SORCS1: variants seen among roughly 807,000 people sequenced by gnomAD.
SORCS1 encodes the protein sortilin related VPS10 domain containing receptor 1, also known as VPS10 domain-containing receptor SorCS1.
Under a neutral mutation model 146.1 loss-of-function variants are expected in SORCS1, and 60 were observed. The observed-to-expected ratio is 0.41, with a 90% CI of 0.33 to 0.51. SORCS1 has a LOEUF of 0.51. Ranked by LOEUF, SORCS1 falls within the 20% of genes least tolerant of loss-of-function variation. The pLI is 0.21. For synonymous variants in SORCS1, 637 were observed against 584.0 expected, an observed-to-expected ratio of 1.09 and a Z score of -1.31; for missense variants, 1,352 against 1,487.6, an observed-to-expected ratio of 0.91 and a Z score of 1.50.
chr10:106,651,063 TC>T (rs1189883728), intron 18 of SORCS1, among the ~76,000 whole-genome samples: 2 of 152,116 alleles, frequency 1.3e-5, no homozygotes, highest in Non-Finnish European at 2.9e-5. Flanking sequence ...TTTTTGGGCA[TC>T]TTAGTATTTA....
chr10:107,071,347 C>T (rs1222871970), intron 1 of SORCS1, among the ~76,000 whole-genome samples: 1 of 152,120 alleles, frequency 6.6e-6, no homozygotes, highest in Non-Finnish European at 1.5e-5. Context: ...GCCAGGGCTC[C>T]ACTGAAAACT....
intron 2 of SORCS1, among the ~76,000 whole-genome samples, chr10:106,830,676 A>T (rs567875180): frequency 6.6e-6 from 1 of 150,974 alleles, no homozygotes; most frequent in East Asian, 2.0e-4. Context: ...CGGGTGAATC[A>T]CTTGAGGTCA....
intron 5 of SORCS1, among the ~76,000 whole-genome samples, chr10:106,751,948 AG>A (rs1858281840): frequency 1.3e-5 from 2 of 152,210 alleles, no homozygotes; most frequent in South Asian, 4.1e-4. Flanking sequence ...GGAAATGAAA[AG>A]AAGACAATAA....
intron 1 of SORCS1, among the ~76,000 whole-genome samples, chr10:107,115,386 G>A (rs571460393): frequency 2.1e-4 from 32 of 152,088 alleles, no homozygotes; most frequent in Admixed American, 1.8e-3. Context: ...AAAACTGTAC[G>A]GTATTGGCAT....
chr10:106,580,069 TA>T (rs1162251943), intron 24 of SORCS1, among the ~76,000 whole-genome samples: 1 of 152,164 alleles, frequency 6.6e-6, no homozygotes, highest in East Asian at 1.9e-4. Context: ...CCGTCACCCC[TA>T]CTCCAGTAGT....
chr10:106,720,731 G>C (rs1855724169), intron 6 of SORCS1, among the ~76,000 whole-genome samples: 1 of 152,066 alleles, frequency 6.6e-6, no homozygotes, highest in Non-Finnish European at 1.5e-5. Flanking sequence ...AGGCCTGTGA[G>C]TGAAAAGTTT....
chr10:107,032,741 A>T (rs558992859), intron 1 of SORCS1, among the ~76,000 whole-genome samples: 81 of 152,316 alleles, frequency 5.3e-4, no homozygotes, highest in African/African-American at 1.9e-3. Context: ...GTTATTGCTG[A>T]AACTGTTCAC....
intron 5 of SORCS1, among the ~76,000 whole-genome samples, chr10:106,751,334 C>G (rs1858220758): frequency 6.6e-6 from 1 of 151,962 alleles, no homozygotes; most frequent in Non-Finnish European, 1.5e-5. Flanking sequence ...GGCAGGGGCT[C>G]AGAATTAGAA....
In SORCS1 at chr10:106,870,918, C is replaced by A. The variant is rs567163625; in HGVS notation, c.627-41245G>T. On this transcript the variant is annotated intron_variant, in intron 2 of 25. Transcript: ENST00000263054. ...AACTATCAACAGAATAAACAGATAA[C>A]CTACAGAATGGGAGAAAATATTTGC... is the stretch of plus-strand genomic sequence containing the variant. Among the ~76,000 whole-genome samples, 254 of 152,214 alleles carry A rather than the reference C, an allele frequency of 1.7e-3. 2 individuals are homozygous for A. The highest frequency in any genetic ancestry group is 5.7e-3 in the African/African-American group (238 of 41,536).
intron 3 of SORCS1, among the ~76,000 whole-genome samples, chr10:106,814,914 CAAAAAAAA>C (rs779366731): frequency 1.5e-5 from 1 of 66,062 alleles, no homozygotes; most frequent in African/African-American, 6.4e-5. Flanking sequence ...GACTCCATCT[CAAAAAAAA>C]AAAAAAAAAA....
intron 3 of SORCS1, among the ~76,000 whole-genome samples, chr10:106,806,378 TAAAATA>T (rs1465964475): frequency 7.3e-4 from 93 of 127,062 alleles, no homozygotes; most frequent in African/African-American, 2.8e-3. Context: ...AAAAATAAAA[TAAAATA>T]AAAATAAAAT....
chr10:106,631,796 G>A (rs1406273910), intron 18 of SORCS1, among the ~76,000 whole-genome samples: 1 of 152,162 alleles, frequency 6.6e-6, no homozygotes, highest in Non-Finnish European at 1.5e-5. Flanking sequence ...AGTCTACCTT[G>A]CCTTGCCCTT....
At chr10:106,619,149 T>A (rs1017477998) in intron 20 of SORCS1, among the ~76,000 whole-genome samples, 3 of 151,992 alleles carry the variant, frequency 2.0e-5, no homozygotes, top group African/African-American at 7.2e-5. Context: ...ATAAAAAAAA[T>A]AAAAAACAAT....
intron 1 of SORCS1, among the ~76,000 whole-genome samples, chr10:107,137,770 G>A (rs773414304): frequency 6.6e-6 from 1 of 151,498 alleles, no homozygotes; most frequent in Non-Finnish European, 1.5e-5. Context: ...GCTGAGGCAG[G>A]AGAATCGCTT....
At chr10:106,992,822 C>CTTTTTTTTTTT (rs1394505945) in intron 1 of SORCS1, among the ~76,000 whole-genome samples, 1 of 98,794 alleles carries the variant, frequency 1.0e-5, no homozygotes, top group Admixed American at 9.8e-5. Flanking sequence ...TCCTTTCTTT[C>CTTTTTTTTTTT]TTTCTTTTTT....
At chr10:106,622,518 C>T (rs541707130) in intron 19 of SORCS1, among the ~76,000 whole-genome samples, 3 of 152,138 alleles carry the variant, frequency 2.0e-5, no homozygotes, top group East Asian at 3.9e-4. Context: ...TTCCCATGTC[C>T]GTCTTTGTGC....
chr10:106,897,978 G>T (rs1007370218), intron 2 of SORCS1, among the ~76,000 whole-genome samples: 1 of 152,208 alleles, frequency 6.6e-6, no homozygotes, highest in Non-Finnish European at 1.5e-5. Flanking sequence ...GACCCATGGC[G>T]ATTCTGTAAA....
rs1491495992 is a variant in SORCS1, at chr10:106,779,545, A to ATTTTTT, written c.727-2854_727-2853insAAAAAA. ...TCTTTTAAGTTTGACATTATGGCCC[A>ATTTTTT]TATTTTTTTTTTTTTTTTTTTTGAG... is the stretch of plus-strand genomic sequence containing the variant. On this transcript the variant is annotated intron_variant, in intron 3 of 25. Transcript: ENST00000263054. 5.1e-5 allele frequency among the ~76,000 whole-genome samples: 6 copies of ATTTTTT among 116,732 alleles called. 1 individual carries two copies. The highest frequency in any genetic ancestry group is 1.9e-5 in the Non-Finnish European group (1 of 53,930). The allele number at this position is 116,732 out of a possible 152,430, so 76.6% of individuals were successfully genotyped here.
At chr10:106,706,736 A>G (rs1324064595) in intron 7 of SORCS1, 102 bp from the exon 8 acceptor site, 1 of 988,492 alleles carries the variant, frequency 1.0e-6, no homozygotes, top group Admixed American at 2.0e-5. Context: ...CAACACAACA[A>G]ATGGCATTAA....
Sources: allele counts gnomAD v4.1 joint callset (sites outside exome capture counted in the v4.1 genomes callset), GRCh38; gene constraint gnomAD v4.1.1; transcripts MANE v1.5; gene names NCBI Gene and HGNC (gene_info 2026-07-23, HGNC 2026-07-21).